The following TMEM165 variants were observed in gnomAD, a reference collection of about 807,000 sequenced individuals.
The protein encoded by TMEM165 is putative divalent cation/proton antiporter TMEM165.
A neutral mutation model predicts 30.0 loss-of-function variants in TMEM165; 19 were observed. The observed-to-expected ratio is 0.63, with a 90% CI of 0.44 to 0.93. The LOEUF is 0.93. Among genes scored for constraint, TMEM165 ranks in the 40% least tolerant of loss-of-function variants. The pLI, the probability that TMEM165 is intolerant of heterozygous loss-of-function variation, is 0.00. For synonymous variants in TMEM165, 168 were observed against 162.9 expected, an observed-to-expected ratio of 1.03 and a Z score of -0.24; for missense variants, 340 against 417.0, an observed-to-expected ratio of 0.82 and a Z score of 1.61.
chr4:55,430,845 G>A (rs1281302199), downstream of TMEM165: 2 of 152,140 alleles, frequency 1.3e-5, no homozygotes, highest in Admixed American at 1.3e-4. Context: ...CACACAATAG[G>A]CAAGATAGGT....
At chr4:55,403,434 C>A in intron 1 of TMEM165, 1 of 528,602 alleles carries the variant, frequency 1.9e-6, no homozygotes, top group Non-Finnish European at 2.6e-6. Context: ...CTTTTTCTTC[C>A]TTCTCTTGAG....
At chr4:55,448,918 G>A (rs74643067) in intron 3 of TMEM165, 62,847 of 1,335,910 alleles carry the variant, frequency 0.047, 1,787 homozygotes, top group Non-Finnish European at 0.058. Context: ...TCCCATACAT[G>A]AGTACTTCCA....
Position 55,408,510 on chromosome 4 carries a change from A to AT in TMEM165, c.208-3104_208-3103insT, listed in dbSNP as rs138334895. Among the ~76,000 whole-genome samples, 1,127 of 152,318 alleles carry AT rather than the reference A, an allele frequency of 7.4e-3. 9 individuals are homozygous for AT. Among genetic ancestry groups the AT allele is most frequent in the African/African-American group, 0.023 (944 of 41,558 alleles). On this transcript the variant is annotated intron_variant, in intron 1 of 5. Transcript: ENST00000381334. ...GGCAGTTGTAACATTTTATATATATAAAAAAACATAGAAAAGGTAAAGTAA... is the reference window on the plus strand; with the variant it reads ...GGCAGTTGTAACATTTTATATATATATAAAAAACATAGAAAAGGTAAAGTAA...
chr4:55,444,347 T>C (rs553350451), intron 3 of TMEM165, among the ~76,000 whole-genome samples: 37 of 152,290 alleles, frequency 2.4e-4, no homozygotes, highest in African/African-American at 7.9e-4. Flanking sequence ...CCTAAAACTT[T>C]ATGTAAAATA....
chr4:55,420,143 T>TAA (rs56926258), intron 4 of TMEM165, among the ~76,000 whole-genome samples: 1 of 47,922 alleles, frequency 2.1e-5, no homozygotes, highest in Non-Finnish European at 3.7e-5. Context: ...ATTTATTTAT[T>TAA]TATTTTATTT....
intron 3 of TMEM165, chr4:55,449,320 G>A (rs747259338): frequency 7.6e-7 from 1 of 1,312,970 alleles, no homozygotes; most frequent in Non-Finnish European, 1.1e-6. Context: ...ACAAATAGAT[G>A]AATTTCTGAA....
At chr4:55,403,619 A>G (rs1425618232) in intron 1 of TMEM165, among the ~76,000 whole-genome samples, 1 of 150,830 alleles carries the variant, frequency 6.6e-6, no homozygotes, top group Non-Finnish European at 1.5e-5. Context: ...AGATGTAAGT[A>G]AGGTGTGTTT....
chr4:55,442,738 A>G lies in TMEM165; in HGVS notation c.409-9501A>G, dbSNP rs867616320. The G allele has an allele frequency of 3.5e-5, 36 of 1,014,656 alleles. No individual in the cohort carries two copies. The Middle Eastern group carries it at 3.6e-3, about 101-fold the overall frequency. 62.9% of individuals were successfully genotyped at this position (1,014,656 alleles called of 1,614,324 possible). ...AACAATATGACAATATGACAGAGAA[A>G]GAAGTGGCAGGATATATTACTCTGG... On this transcript the variant is annotated intron_variant, in intron 3 of 3. Coordinates refer to the TMEM165 transcript ENST00000608091.
At chr4:55,440,999 A>C (rs1219598409) in intron 3 of TMEM165, among the ~76,000 whole-genome samples, 1 of 152,122 alleles carries the variant, frequency 6.6e-6, no homozygotes, top group Non-Finnish European at 1.5e-5. Context: ...AACACAACAA[A>C]AAACTGCTCA....
intron 3 of TMEM165, among the ~76,000 whole-genome samples, chr4:55,437,859 A>AT (rs1444031398): frequency 6.6e-6 from 1 of 152,216 alleles, no homozygotes; most frequent in Non-Finnish European, 1.5e-5. Flanking sequence ...GAAAAATTAT[A>AT]ATAAGATTGA....
downstream of TMEM165, chr4:55,430,864 G>A (rs939031986): frequency 4.6e-5 from 7 of 152,142 alleles, no homozygotes; most frequent in Non-Finnish European, 8.8e-5. Context: ...GTTTACAATA[G>A]TGTTTAAATC....
rs1724316057 is a variant in TMEM165 at position 55,450,319 on chromosome 4, T to C, written c.409-1920T>C. On this transcript the variant is annotated intron_variant, in intron 3 of 3. Transcript: ENST00000608091. ...AATACTGTTAACAACAACAAAAAAA[T>C]CAGTTTTTGTCTATAACAAGGCAAA... is the stretch of plus-strand genomic sequence containing the variant. The C allele has an allele frequency of 2.6e-6, 4 of 1,525,570 alleles. No individual in the cohort carries two copies. The South Asian group carries it at 4.5e-5, about 17-fold the overall frequency. The allele number at this position is 1,525,570 out of a possible 1,614,324, so 94.5% of individuals were successfully genotyped here.
intron 3 of TMEM165, among the ~76,000 whole-genome samples, chr4:55,441,939 T>A (rs777118502): frequency 6.6e-6 from 1 of 152,172 alleles, no homozygotes. Context: ...TAGCTATAGA[T>A]CCCTTGGCTA....
At position 55,396,196 on chromosome 4, in the gene TMEM165, G is replaced by A. The variant is rs1475806002; in HGVS notation, c.7G>A (p.Ala3Thr). The A allele has an allele frequency of 7.0e-7, 1 of 1,420,596 alleles. No homozygotes were observed. Among genetic ancestry groups the A allele is most frequent in the Non-Finnish European group, 9.1e-7 (1 of 1,093,090 alleles). 88.0% of individuals were successfully genotyped at this position (1,420,596 alleles called of 1,614,324 possible). A position where few individuals can be genotyped will look rare whatever the true frequency, so the allele number is the denominator to read the frequency against. Reference sequence around the variant, plus strand: ...GGCCGGCCCGGCAGGCGGGATGGCGGCCGCGGCTCCAGGGAACGGCCGCGC... The same window carrying A: ...GGCCGGCCCGGCAGGCGGGATGGCGACCGCGGCTCCAGGGAACGGCCGCGC... The part of the protein sequence containing the change: MA[A>T]AAPGNGRASA... The change falls in exon 1 of 6, where the codon GCC (alanine) becomes ACC (threonine). Residue 3 changes from alanine (A) to threonine (T), a missense_variant. Transcript: ENST00000381334.
rs186582308 is a variant in TMEM165, at chr4:55,406,143, C to T, written c.208-5471C>T. 8.3e-4 allele frequency among the ~76,000 whole-genome samples: 127 copies of T among 152,286 alleles called. 1 individual carries two copies. The highest frequency in any genetic ancestry group is 3.4e-3 in the Middle Eastern group (1 of 294). ...TGGTAGCCCTACAGCTATTAACTTCCCATACTTCCAGGTAGTGAATGAGTA... is the reference window on the plus strand; with the variant it reads ...TGGTAGCCCTACAGCTATTAACTTCTCATACTTCCAGGTAGTGAATGAGTA... On this transcript the variant is annotated intron_variant, in intron 1 of 5. Coordinates refer to ENST00000381334, the MANE Select transcript of TMEM165 (RefSeq NM_018475.5).
chr4:55,438,694 T>C (rs1325263869), intron 3 of TMEM165, among the ~76,000 whole-genome samples: 3 of 152,226 alleles, frequency 2.0e-5, no homozygotes, highest in East Asian at 3.9e-4. Flanking sequence ...TTTTAAAAGA[T>C]TCCCTTTGGT....
chr4:55,402,119 C>CAAAAA (rs71194551), intron 1 of TMEM165, among the ~76,000 whole-genome samples: 6,738 of 106,920 alleles, frequency 0.063, 502 homozygotes, highest in African/African-American at 0.13. Context: ...ACTCTGTCTC[C>CAAAAA]AAAAAAAAAA....
chr4:55,449,015 C>T (rs62303709), intron 3 of TMEM165: 127,036 of 675,318 alleles, frequency 0.19, 13,255 homozygotes, highest in Non-Finnish European at 0.21. Flanking sequence ...GTCTTCTCAT[C>T]TATATTGGAA....
rs943137535 is a variant in TMEM165 at position 55,425,971 on chromosome 4, C to T, written c.*519C>T. On this transcript the variant is annotated 3_prime_UTR_variant, in exon 6 of 6. Transcript: ENST00000381334. ...TATGATATTGCTGTTATATCAATAA[C>T]ATGGCACAACAAGAACTGTCTGCCA... 6.6e-6 allele frequency: 1 copy of T among 151,902 alleles called. No homozygotes were observed. Among genetic ancestry groups the T allele is most frequent in the Non-Finnish European group, 1.5e-5 (1 of 67,994 alleles). 9.4% of individuals were successfully genotyped at this position (151,902 alleles called of 1,614,324 possible).
Sources: allele counts gnomAD v4.1 joint callset (sites outside exome capture counted in the v4.1 genomes callset), GRCh38; gene constraint gnomAD v4.1.1; transcripts MANE v1.5; gene names NCBI Gene and HGNC (gene_info 2026-07-23, HGNC 2026-07-21).